Variants in CSMD1 observed in about 807,000 individuals in gnomAD.
CSMD1 encodes the protein CUB and Sushi multiple domains 1, also known as CUB and sushi domain-containing protein 1.
A neutral mutation model predicts 417.5 loss-of-function variants in CSMD1; 213 were observed. That is an observed-to-expected ratio of 0.51 (90% CI 0.46 to 0.57). The LOEUF (loss-of-function observed/expected upper bound fraction) is 0.57, where lower values mean the gene tolerates loss of function less well. Among genes scored for constraint, CSMD1 ranks in the 20% least tolerant of loss-of-function variants. CSMD1 has a pLI of 0.00. For missense variants in CSMD1, 6,923 were observed against 4,529.7 expected, an observed-to-expected ratio of 1.53 and a Z score of -15.17; for synonymous variants, 2,862 against 1,736.8, an observed-to-expected ratio of 1.65 and a Z score of -16.11.
intron 7 of CSMD1, among the ~76,000 whole-genome samples, chr8:3,644,386 T>A (rs1198373532): frequency 6.6e-6 from 1 of 152,198 alleles, no homozygotes; most frequent in Non-Finnish European, 1.5e-5. Context: ...AGTGAGACCC[T>A]GGAGAAGCCC....
chr8:3,318,379 T>C (rs548345909), intron 23 of CSMD1, among the ~76,000 whole-genome samples: 1 of 152,312 alleles, frequency 6.6e-6, no homozygotes, highest in East Asian at 1.9e-4. Context: ...ATTAATGCAA[T>C]CACTTAGCAT....
intron 1 of CSMD1, among the ~76,000 whole-genome samples, chr8:4,653,616 G>C (rs1391164427): frequency 6.6e-6 from 1 of 152,100 alleles, no homozygotes; most frequent in Non-Finnish European, 1.5e-5. Flanking sequence ...ATAACCACCA[G>C]TGACAGAGAG....
chr8:2,950,427 C>T lies in CSMD1; in HGVS notation c.10202-84G>A, dbSNP rs528796511. ...AATCCATTTGATGTGGAATGTGGTA[C>T]GGAGATGATAATATCATCGATAATA... On this transcript the variant is annotated intron_variant, in intron 66 of 69. Coordinates refer to ENST00000635120, the MANE Select transcript of CSMD1 (RefSeq NM_033225.6). 1.2e-3 allele frequency: 976 copies of T among 794,734 alleles called. 11 individuals carry two copies. In the South Asian group the frequency reaches 0.013, roughly 11 times the overall value. The allele number at this position is 794,734 out of a possible 1,614,324, so 49.2% of individuals were successfully genotyped here.
rs141987089 is a variant in CSMD1, at chr8:4,098,832, G to C, written c.416-66733C>G. On this transcript the variant is annotated intron_variant, in intron 3 of 69. Transcript: ENST00000635120. ...AAAAGTTGTCTCTTCTCATCACTAA[G>C]GCTATGCCATAAATCTTGCTCACTC... Among the ~76,000 whole-genome samples, 40 of 152,232 alleles carry C rather than the reference G, an allele frequency of 2.6e-4. 1 individual carries two copies. The highest frequency in any genetic ancestry group is 2.4e-3 in the Admixed American group (36 of 15,284).
intron 1 of CSMD1, among the ~76,000 whole-genome samples, chr8:4,752,127 A>G (rs762863809): frequency 3.9e-5 from 6 of 152,160 alleles, no homozygotes; most frequent in Non-Finnish European, 8.8e-5. Context: ...ACATGTATAT[A>G]TCATATATAT....
At chr8:4,779,022 T>A (rs1037984610) in intron 1 of CSMD1, among the ~76,000 whole-genome samples, 2 of 152,214 alleles carry the variant, frequency 1.3e-5, no homozygotes, top group African/African-American at 2.4e-5. Context: ...AATGACCAGA[T>A]TGATATATCT....
chr8:3,095,990 A>G (rs771101757), intron 47 of CSMD1, among the ~76,000 whole-genome samples: 16 of 152,192 alleles, frequency 1.1e-4, no homozygotes, highest in Non-Finnish European at 2.2e-4. Context: ...TTTATCATCT[A>G]GAAATCTCTG....
At chr8:3,271,894 GAT>G (rs1371481225) in intron 26 of CSMD1, among the ~76,000 whole-genome samples, 2 of 152,092 alleles carry the variant, frequency 1.3e-5, no homozygotes, top group East Asian at 3.9e-4. Flanking sequence ...TGTTCACTCT[GAT>G]GGTAGTTTCT....
intron 10 of CSMD1, among the ~76,000 whole-genome samples, chr8:3,512,942 G>C (rs927446650): frequency 2.6e-5 from 4 of 152,036 alleles, no homozygotes; most frequent in African/African-American, 4.8e-5. Context: ...TATAACCATA[G>C]AGAGCCACAG....
intron 3 of CSMD1, among the ~76,000 whole-genome samples, chr8:4,273,839 A>C (rs1212922005): frequency 6.6e-6 from 1 of 152,156 alleles, no homozygotes; most frequent in Non-Finnish European, 1.5e-5. Context: ...ATGGTTGTGA[A>C]GGTGAAATGA....
At chr8:4,458,879 G>T (rs1176928546) in intron 2 of CSMD1, among the ~76,000 whole-genome samples, 1 of 152,190 alleles carries the variant, frequency 6.6e-6, no homozygotes, top group African/African-American at 2.4e-5. Flanking sequence ...ATTCCACAGT[G>T]AAACAAGCAC....
At chr8:4,088,299 G>C (rs149885727) in intron 3 of CSMD1, among the ~76,000 whole-genome samples, 8 of 152,308 alleles carry the variant, frequency 5.3e-5, no homozygotes, top group East Asian at 3.9e-4. Context: ...ATTGAATACA[G>C]CCTGCAAAGC....
chr8:3,940,355 TG>T (rs1272549255), intron 5 of CSMD1, among the ~76,000 whole-genome samples: 1 of 151,984 alleles, frequency 6.6e-6, no homozygotes, highest in Non-Finnish European at 1.5e-5. Flanking sequence ...TTAGCAATGG[TG>T]GGGGGAAAAC....
chr8:3,858,609 C>T (rs1177203659), intron 5 of CSMD1, among the ~76,000 whole-genome samples: 9 of 152,006 alleles, frequency 5.9e-5, no homozygotes, highest in African/African-American at 9.7e-5. Flanking sequence ...ACCAAGTTCT[C>T]GAAGGCCTAT....
At chr8:3,770,132 G>A (rs536854598) in intron 5 of CSMD1, among the ~76,000 whole-genome samples, 1 of 152,180 alleles carries the variant, frequency 6.6e-6, no homozygotes, top group Non-Finnish European at 1.5e-5. Context: ...TCCAGCAGGA[G>A]ACTAAAGGCT....
chr8:4,543,927 T>C (rs1337154724), intron 2 of CSMD1, among the ~76,000 whole-genome samples: 1 of 152,194 alleles, frequency 6.6e-6, no homozygotes, highest in African/African-American at 2.4e-5. Context: ...CATCTGTTTA[T>C]CATCTTTGGT....
chr8:4,125,997 T>A (rs999674092), intron 3 of CSMD1, among the ~76,000 whole-genome samples: 1 of 152,164 alleles, frequency 6.6e-6, no homozygotes, highest in Non-Finnish European at 1.5e-5. Context: ...GGTTGTGATA[T>A]GTTGCAGACC....
chr8:3,133,457 C>A (rs1345635909), intron 41 of CSMD1, among the ~76,000 whole-genome samples: 1 of 152,142 alleles, frequency 6.6e-6, no homozygotes, highest in Non-Finnish European at 1.5e-5. Flanking sequence ...GTGCCTTGGC[C>A]TCAGGGGAAG....
chr8:4,064,793 T>C (rs947294069), intron 3 of CSMD1, among the ~76,000 whole-genome samples: 1 of 152,182 alleles, frequency 6.6e-6, no homozygotes, highest in Non-Finnish European at 1.5e-5. Flanking sequence ...ACAGCCTTCC[T>C]GTACTCCCGG....
Sources: allele counts gnomAD v4.1 joint callset (sites outside exome capture counted in the v4.1 genomes callset), GRCh38; gene constraint gnomAD v4.1.1; transcripts MANE v1.5; gene names NCBI Gene and HGNC (gene_info 2026-07-23, HGNC 2026-07-21).